Variants in RAB3C observed in about 807,000 individuals in gnomAD.
RAB3C encodes ras-related protein Rab-3C.
Under a neutral mutation model 26.4 loss-of-function variants are expected in RAB3C, and 17 were observed. The observed-to-expected ratio is 0.64, with a 90% confidence interval of 0.44 to 0.97. RAB3C has a LOEUF of 0.97. Among genes scored for constraint, RAB3C ranks in the 50% least tolerant of loss-of-function variants. The pLI, the probability that RAB3C is intolerant of heterozygous loss-of-function variation, is 0.00. For synonymous variants in RAB3C, 91 were observed against 95.9 expected (o/e 0.95, Z 0.30); for missense variants, 242 against 281.9 (o/e 0.86, Z 1.01).
chr5:58,796,876 T>C (rs532296938), intron 3 of RAB3C, among the ~76,000 whole-genome samples: 1 of 152,084 alleles, frequency 6.6e-6, no homozygotes, highest in Non-Finnish European at 1.5e-5. Flanking sequence ...GTAGAGTTCA[T>C]AGCAGTCATC....
chr5:58,582,422 G>C, upstream of RAB3C: 1 of 985,360 alleles, frequency 1.0e-6, no homozygotes, highest in South Asian at 4.7e-5. Context: ...AAGGTAAGCA[G>C]GCGAAAGGAG....
chr5:58,612,458 A>T (rs1390280320), intron 1 of RAB3C, among the ~76,000 whole-genome samples: 1 of 143,170 alleles, frequency 7.0e-6, no homozygotes, highest in African/African-American at 2.7e-5. Flanking sequence ...TTCCCTGGTT[A>T]GCTGGTTAGC....
intron 3 of RAB3C, among the ~76,000 whole-genome samples, chr5:58,807,110 AG>A (rs1742958372): frequency 6.6e-6 from 1 of 152,220 alleles, no homozygotes. Context: ...CAAACAAGAA[AG>A]GGTTGCTTTA....
rs546314714 is a variant in RAB3C, at chr5:58,732,391, A to G, written c.371+6271A>G. Among the ~76,000 whole-genome samples the G allele has an allele frequency of 9.7e-4, 148 of 152,238 alleles. 1 individual carries two copies. Among genetic ancestry groups the G allele is most frequent in the African/African-American group, 3.5e-3 (144 of 41,556 alleles). On this transcript the variant is annotated intron_variant, in intron 3 of 4. Coordinates refer to ENST00000282878, the MANE Select transcript of RAB3C (RefSeq NM_138453.4). ...TCTTACAGGGCAATAAGAAACTTCAAAACAGTTTTTGTTGAATTTGGATGG... is the reference window on the plus strand; with the variant it reads ...TCTTACAGGGCAATAAGAAACTTCAGAACAGTTTTTGTTGAATTTGGATGG...
intron 3 of RAB3C, among the ~76,000 whole-genome samples, chr5:58,736,230 C>T (rs2111937455): frequency 6.6e-6 from 1 of 152,312 alleles, no homozygotes; most frequent in South Asian, 2.1e-4. Context: ...ATCTTGCTGC[C>T]TTCCTATCTG....
At chr5:58,732,096 T>C (rs1741035806) in intron 3 of RAB3C, among the ~76,000 whole-genome samples, 1 of 126,802 alleles carries the variant, frequency 7.9e-6, no homozygotes, top group Admixed American at 8.2e-5. Flanking sequence ...TTTTTTCTGT[T>C]TTGTTTTTTT....
At chr5:58,589,700 A>T (rs1746088840) in intron 1 of RAB3C, among the ~76,000 whole-genome samples, 1 of 152,174 alleles carries the variant, frequency 6.6e-6, no homozygotes, top group Non-Finnish European at 1.5e-5. Flanking sequence ...GTAACGTGTG[A>T]ATAGGTTACA....
intron 4 of RAB3C, among the ~76,000 whole-genome samples, chr5:58,829,253 A>T (rs985614849): frequency 6.6e-6 from 1 of 152,156 alleles, no homozygotes. Flanking sequence ...ATAACAATAT[A>T]TAAGAATGTT....
chr5:58,605,100 G>A (rs1385513430), intron 1 of RAB3C, among the ~76,000 whole-genome samples: 1 of 152,180 alleles, frequency 6.6e-6, no homozygotes, highest in Non-Finnish European at 1.5e-5. Flanking sequence ...CTCCAGTGGG[G>A]TGTGTTTGGG....
intron 1 of RAB3C, among the ~76,000 whole-genome samples, chr5:58,585,420 A>G (rs1745991111): frequency 6.6e-6 from 1 of 152,018 alleles, no homozygotes; most frequent in Non-Finnish European, 1.5e-5. Flanking sequence ...AGACTGAACC[A>G]CATCATCATT....
At chr5:58,755,366 C>T (rs1329166231) in intron 3 of RAB3C, among the ~76,000 whole-genome samples, 1 of 152,168 alleles carries the variant, frequency 6.6e-6, no homozygotes, top group Non-Finnish European at 1.5e-5. Context: ...ACATAGATTG[C>T]TGTTCTTTAG....
At chr5:58,672,913 G>C (rs965796471) in intron 2 of RAB3C, among the ~76,000 whole-genome samples, 2 of 152,120 alleles carry the variant, frequency 1.3e-5, no homozygotes, top group East Asian at 1.9e-4. Flanking sequence ...ATATATAATG[G>C]TTGTCATTTG....
In RAB3C at chr5:58,822,903, T is replaced by C. The variant is rs927731357; in HGVS notation, c.372-2135T>C. 2.2e-5 allele frequency: 14 copies of C among 639,318 alleles called. No individual in the cohort carries two copies. The African/African-American group carries it at 2.5e-4, about 12-fold the overall frequency. 39.6% of individuals were successfully genotyped at this position (639,318 alleles called of 1,614,324 possible). On this transcript the variant is annotated intron_variant, in intron 3 of 4. Coordinates refer to ENST00000282878, the MANE Select transcript of RAB3C (RefSeq NM_138453.4). ...GAGATGACTGGAGATTAATGTGATGTGGAAAGCATTGATGGTCAGCCTGGT... is the reference window on the plus strand; with the variant it reads ...GAGATGACTGGAGATTAATGTGATGCGGAAAGCATTGATGGTCAGCCTGGT...
chr5:58,682,541 G>A (rs1243169540), intron 2 of RAB3C, among the ~76,000 whole-genome samples: 2 of 151,966 alleles, frequency 1.3e-5, no homozygotes, highest in African/African-American at 2.4e-5. Flanking sequence ...AAAATTAGCC[G>A]GGCGTGGTGG....
At chr5:58,674,739 A>C (rs1748188192) in intron 2 of RAB3C, among the ~76,000 whole-genome samples, 1 of 152,244 alleles carries the variant, frequency 6.6e-6, no homozygotes, top group Non-Finnish European at 1.5e-5. Flanking sequence ...TTTCTTACAA[A>C]GAAAGTGCAC....
chr5:58,672,467 T>C (rs1426202000), intron 2 of RAB3C, among the ~76,000 whole-genome samples: 1 of 152,198 alleles, frequency 6.6e-6, no homozygotes, highest in Non-Finnish European at 1.5e-5. Flanking sequence ...AATGAGGAGA[T>C]GGGACTGGAT....
At chr5:58,631,821 T>G (rs1747188484) in intron 2 of RAB3C, among the ~76,000 whole-genome samples, 1 of 152,196 alleles carries the variant, frequency 6.6e-6, no homozygotes, top group Non-Finnish European at 1.5e-5. Context: ...TACCACTTAA[T>G]TTGTCACAAA....
chr5:58,725,226 T>C (rs1740862175), intron 2 of RAB3C, among the ~76,000 whole-genome samples: 1 of 151,880 alleles, frequency 6.6e-6, no homozygotes, highest in Non-Finnish European at 1.5e-5. Flanking sequence ...GGCAGGTTTC[T>C]TCAGCACTTT....
intron 2 of RAB3C, among the ~76,000 whole-genome samples, chr5:58,662,131 C>T (rs1747916817): frequency 1.3e-5 from 2 of 149,720 alleles, no homozygotes; most frequent in African/African-American, 2.6e-5. Flanking sequence ...AGATCCTGCT[C>T]ACTCTCTCTA....
Sources: allele counts gnomAD v4.1 joint callset (sites outside exome capture counted in the v4.1 genomes callset), GRCh38; gene constraint gnomAD v4.1.1; transcripts MANE v1.5; gene names NCBI Gene and HGNC (gene_info 2026-07-23, HGNC 2026-07-21).